Variants in CSMD1 observed in about 807,000 individuals in gnomAD.
CSMD1 encodes CUB and Sushi multiple domains 1.
Under a neutral mutation model 417.5 loss-of-function variants are expected in CSMD1, and 213 were observed. The ratio of observed to expected loss-of-function variants is 0.51; its 90% confidence interval spans 0.46 to 0.57. CSMD1 has a LOEUF of 0.57. CSMD1 is among the 20% of genes least tolerant of loss of function. CSMD1 has a pLI of 0.00. For missense variants in CSMD1, 6,923 were observed against 4,529.7 expected (o/e 1.53, Z -15.17); for synonymous variants, 2,862 against 1,736.8 (o/e 1.65, Z -16.11).
chr8:3,690,582 G>C (rs145425770), intron 7 of CSMD1, among the ~76,000 whole-genome samples: 46 of 152,274 alleles, frequency 3.0e-4, no homozygotes, highest in African/African-American at 7.0e-4. Context: ...TTTTACATCA[G>C]TGAGATGTGA....
intron 66 of CSMD1, 115 bp downstream of exon 66, chr8:2,950,999 C>G: frequency 9.3e-7 from 1 of 1,071,456 alleles, no homozygotes; most frequent in South Asian, 1.9e-5. Context: ...ACAGTATATA[C>G]AAAGCCAACA....
Position 4,032,099 on chromosome 8 carries a change from A to T in CSMD1, c.416T>A (p.Val139Asp). ...SAQGFKALYE[V>D]LPSHTCGNPG... ...ATTTCCACAAGTGTGGCTAGGTAAA[A>T]CTATTGGAAAAAGAAAAGAAAGGAG... Residue 139 changes from valine to aspartate, a missense_variant and splice_region_variant, in exon 4 of 70, where the codon GTT (valine) becomes GAT (aspartate). Val to Asp is a radical substitution (Grantham distance 152). Transcript: ENST00000635120. 1 of 1,597,974 alleles carries T rather than the reference A, an allele frequency of 6.3e-7. No homozygotes were observed.
intron 1 of CSMD1, among the ~76,000 whole-genome samples, chr8:4,820,675 A>G (rs1194522291): frequency 6.6e-6 from 1 of 152,206 alleles, no homozygotes; most frequent in African/African-American, 2.4e-5. Context: ...CCATCATTCA[A>G]ATGGCTGTAT....
chr8:3,279,302 C>G (rs1802553436), intron 26 of CSMD1: 1 of 152,252 alleles, frequency 6.6e-6, no homozygotes, highest in African/African-American at 2.4e-5. Flanking sequence ...AATCATCCAG[C>G]AACTCCCTGG....
At chr8:4,913,110 A>C (rs1179857350) in intron 1 of CSMD1, among the ~76,000 whole-genome samples, 1 of 152,100 alleles carries the variant, frequency 6.6e-6, no homozygotes, top group African/African-American at 2.4e-5. Flanking sequence ...CTTTAAAAAA[A>C]ATCGTGAGGG....
intron 12 of CSMD1, among the ~76,000 whole-genome samples, chr8:3,415,420 C>T (rs1459661183): frequency 3.3e-5 from 5 of 152,320 alleles, no homozygotes; most frequent in East Asian, 3.9e-4. Context: ...TGCAGTGGCA[C>T]GATCTCAGCT....
intron 23 of CSMD1, among the ~76,000 whole-genome samples, chr8:3,310,457 TGATTCTC>T (rs1478395491): frequency 6.6e-6 from 1 of 152,164 alleles, no homozygotes; most frequent in Admixed American, 6.5e-5. Flanking sequence ...TTGGAGGTGA[TGATTCTC>T]CCTGGCCACA....
At chr8:3,623,439 A>G (rs1298386618) in intron 7 of CSMD1, among the ~76,000 whole-genome samples, 1 of 152,364 alleles carries the variant, frequency 6.6e-6, no homozygotes, top group South Asian at 2.1e-4. Flanking sequence ...AACGACATCT[A>G]TGACAGAGAT....
chr8:3,677,546 G>C (rs545924853), intron 7 of CSMD1, among the ~76,000 whole-genome samples: 2 of 152,278 alleles, frequency 1.3e-5, no homozygotes, highest in South Asian at 2.1e-4. Flanking sequence ...GGCTCAGCGA[G>C]AGGCACCCAG....
intron 3 of CSMD1, among the ~76,000 whole-genome samples, chr8:4,379,690 T>C (rs1802979163): frequency 1.8e-5 from 1 of 56,982 alleles, no homozygotes; most frequent in South Asian, 6.4e-4. Flanking sequence ...AAGAGGGCAA[T>C]GAAGCAACAA....
intron 3 of CSMD1, among the ~76,000 whole-genome samples, chr8:4,188,791 C>G (rs1798838100): frequency 9.3e-6 from 1 of 107,230 alleles, no homozygotes; most frequent in African/African-American, 3.6e-5. Flanking sequence ...TAAAGAAACT[C>G]CAGGATGAAT....
intron 13 of CSMD1, among the ~76,000 whole-genome samples, chr8:3,408,465 G>A (rs540570073): frequency 6.6e-6 from 1 of 151,202 alleles, no homozygotes; most frequent in Admixed American, 6.6e-5. Context: ...GCACAAGCGT[G>A]GTTCAAAAAT....
chr8:3,308,614 A>G (rs987234232), intron 23 of CSMD1, 111 bp from the exon 24 acceptor site: 2 of 768,566 alleles, frequency 2.6e-6, no homozygotes, highest in Non-Finnish European at 4.2e-6. Context: ...TAGGGAGAAA[A>G]AAGGAGATTG....
intron 41 of CSMD1, among the ~76,000 whole-genome samples, chr8:3,125,753 G>T (rs918028694): frequency 6.6e-6 from 1 of 152,190 alleles, no homozygotes; most frequent in Non-Finnish European, 1.5e-5. Context: ...GAGGTGGGCA[G>T]ATTACCTGAG....
chr8:3,580,839 A>T (rs1800351935), intron 9 of CSMD1, among the ~76,000 whole-genome samples: 1 of 152,220 alleles, frequency 6.6e-6, no homozygotes, highest in Admixed American at 6.5e-5. Flanking sequence ...ACTCTTTAAA[A>T]GGTCATTTCT....
intron 1 of CSMD1, among the ~76,000 whole-genome samples, chr8:4,905,718 G>A (rs1197675414): frequency 6.6e-6 from 1 of 151,190 alleles, no homozygotes; most frequent in Non-Finnish European, 1.5e-5. Flanking sequence ...TCCTCGGGAG[G>A]CTGAGGCAGG....
At chr8:4,905,768 C>A (rs13253639) in intron 1 of CSMD1, among the ~76,000 whole-genome samples, 2 of 140,446 alleles carry the variant, frequency 1.4e-5, no homozygotes, top group African/African-American at 2.7e-5. Flanking sequence ...TGCAGTGAGC[C>A]GAGATTGTGC....
At chr8:4,484,686 G>GTCACC (rs1801275504) in intron 2 of CSMD1, among the ~76,000 whole-genome samples, 1 of 149,060 alleles carries the variant, frequency 6.7e-6, no homozygotes, top group Admixed American at 6.7e-5. Context: ...AAGAGGAAAA[G>GTCACC]TCACCGGGCA....
chr8:3,823,157 A>G (rs1218450091), intron 5 of CSMD1, among the ~76,000 whole-genome samples: 3 of 152,274 alleles, frequency 2.0e-5, no homozygotes, highest in East Asian at 3.9e-4. Context: ...TTGTGTCTTC[A>G]TATCTTCTTT....
Sources: allele counts gnomAD v4.1 joint callset (sites outside exome capture counted in the v4.1 genomes callset), GRCh38; gene constraint gnomAD v4.1.1; transcripts MANE v1.5; gene names NCBI Gene and HGNC (gene_info 2026-07-23, HGNC 2026-07-21).